The following ACBD5 variants were observed in gnomAD, a reference collection of about 807,000 sequenced individuals.
ACBD5 encodes acyl-CoA-binding domain-containing protein 5.
ACBD5 carries 40 observed loss-of-function variants against 71.8 expected under a neutral mutation model. The ratio of observed to expected loss-of-function variants is 0.56; its 90% CI spans 0.43 to 0.72. The LOEUF (loss-of-function observed/expected upper bound fraction) is 0.72, where lower values mean the gene tolerates loss of function less well. Ranked by LOEUF, ACBD5 falls within the 30% of genes least tolerant of loss-of-function variation. ACBD5 has a pLI of 0.00. For missense variants in ACBD5, 559 were observed against 644.5 expected (o/e 0.87, Z 1.44); for synonymous variants, 229 against 218.6 (o/e 1.05, Z -0.42).
At chr10:27,215,997 C>A (rs1454177113) in intron 7 of ACBD5, among the ~76,000 whole-genome samples, 3 of 151,698 alleles carry the variant, frequency 2.0e-5, no homozygotes, top group African/African-American at 7.3e-5. Context: ...GCCTCAGCCT[C>A]CCGAGTAGCT....
intron 13 of ACBD5, among the ~76,000 whole-genome samples, chr10:27,188,864 ACAC>A (rs999389186): frequency 2.0e-5 from 3 of 152,206 alleles, no homozygotes; most frequent in Admixed American, 6.5e-5. Flanking sequence ...TCTTTAAAAA[ACAC>A]CAACGGCCAC....
chr10:27,186,807 A>G (rs2058786309), intron 13 of ACBD5: 4 of 429,702 alleles, frequency 9.3e-6, no homozygotes, highest in Admixed American at 7.5e-5. Context: ...TGAAGCATCA[A>G]TAAAATTAGA....
At chr10:27,204,126 G>A (rs914640633) in intron 12 of ACBD5, among the ~76,000 whole-genome samples, 3 of 111,532 alleles carry the variant, frequency 2.7e-5, no homozygotes, top group Admixed American at 1.2e-4. Context: ...GCAACAAAAC[G>A]GGACCCAGTC....
At chr10:27,221,647 C>T (rs774483041) in intron 5 of ACBD5, among the ~76,000 whole-genome samples, 4 of 151,880 alleles carry the variant, frequency 2.6e-5, no homozygotes, top group Non-Finnish European at 5.9e-5. Context: ...GGTACAATTG[C>T]TCATGCCTTT....
chr10:27,189,248 C>T (rs1449035299), intron 13 of ACBD5, among the ~76,000 whole-genome samples: 1 of 152,220 alleles, frequency 6.6e-6, no homozygotes, highest in Non-Finnish European at 1.5e-5. Context: ...AGGCTGGTCT[C>T]AAACTCCGGA....
rs1022249290 is a variant in ACBD5, at chr10:27,196,046, T to A, written c.*1384A>T. On this transcript the variant is annotated 3_prime_UTR_variant, in exon 13 of 13. Transcript: ENST00000396271. Reference sequence around the variant, plus strand: ...GGAGAAACCCCGTCTCTACTAAAAATACAAAATTAGCCAGGCATGGTGGTG... The same window carrying A: ...GGAGAAACCCCGTCTCTACTAAAAAAACAAAATTAGCCAGGCATGGTGGTG... 2 of 413,258 alleles carry A rather than the reference T, an allele frequency of 4.8e-6. No homozygotes were observed. The highest frequency in any genetic ancestry group is 9.5e-6 in the Non-Finnish European group (2 of 211,076). 25.6% of individuals were successfully genotyped at this position (413,258 alleles called of 1,614,324 possible).
At chr10:27,237,621 C>CTT (rs60724833) in intron 2 of ACBD5, among the ~76,000 whole-genome samples, 2,326 of 133,614 alleles carry the variant, frequency 0.017, 170 homozygotes, top group South Asian at 0.16. Flanking sequence ...GATAGGATAT[C>CTT]TTTTTTTTTT....
At chr10:27,199,539 A>G (rs1284873121) in intron 12 of ACBD5, among the ~76,000 whole-genome samples, 1 of 152,184 alleles carries the variant, frequency 6.6e-6, no homozygotes, top group African/African-American at 2.4e-5. Context: ...GAACAGGAAT[A>G]AATTCTGCCT....
chr10:27,228,791 T>TTATATATATATATATATATATATATA (rs1169917244), intron 4 of ACBD5, among the ~76,000 whole-genome samples: 2 of 22,136 alleles, frequency 9.0e-5, no homozygotes, highest in Non-Finnish European at 3.3e-4. Flanking sequence ...CCTATTATGT[T>TTATATATATATATATATATATATATA]TATATATATA....
chr10:27,208,437 T>C lies in ACBD5; in HGVS notation c.1213A>G (p.Met405Val), dbSNP rs751272846. 1.2e-6 allele frequency: 2 copies of C among 1,613,764 alleles called. No individual in the cohort carries two copies. Among genetic ancestry groups the C allele is most frequent in the East Asian group, 2.2e-5 (1 of 44,890 alleles). ...TTGGTTCCTTCGCTCAAGTGTTGCA[T>C]CCTATGTCCTATTTTAAGAGGCAAA... ...SNVRRGRGHR[M>V]QHLSEGTKGR... The change falls in exon 10 of 13, where the codon ATG (methionine) becomes GTG (valine). Residue 405 changes from methionine to valine, a missense_variant. Coordinates refer to ENST00000396271, the MANE Select transcript of ACBD5 (RefSeq NM_145698.5).
At chr10:27,186,360 G>A in intron 13 of ACBD5, 1 of 1,611,688 alleles carries the variant, frequency 6.2e-7, no homozygotes, top group Non-Finnish European at 8.5e-7. Flanking sequence ...ATACTGTTTT[G>A]TTTTATATTT....
intron 4 of ACBD5, among the ~76,000 whole-genome samples, chr10:27,228,415 A>C (rs1052388649): frequency 1.3e-5 from 2 of 151,864 alleles, no homozygotes; most frequent in African/African-American, 4.8e-5. Context: ...GTCTCTACTA[A>C]AAATACAAAA....
At chr10:27,225,402 T>C (rs1422052788) in intron 4 of ACBD5, among the ~76,000 whole-genome samples, 1 of 152,202 alleles carries the variant, frequency 6.6e-6, no homozygotes, top group Admixed American at 6.6e-5. Flanking sequence ...ATCAACACCA[T>C]TCCCCACTGT....
chr10:27,208,796 C>A lies in ACBD5; in HGVS notation c.1205-351G>T, dbSNP rs376292790. Among the ~76,000 whole-genome samples, 809 of 152,166 alleles carry A rather than the reference C, an allele frequency of 5.3e-3. 1 individual carries two copies. Among genetic ancestry groups the A allele is most frequent in the Non-Finnish European group, 8.3e-3 (565 of 68,002 alleles). ...GTGGTTGCAGTGAGCCGAGATCATG[C>A]CACTGCACTCCAGCCTGGGCGACAG... On this transcript the variant is annotated intron_variant, in intron 9 of 12. Transcript: ENST00000396271.
In ACBD5 at chr10:27,240,561, T is replaced by C; in HGVS notation, c.16-77A>G. Reference sequence around the variant, plus strand: ...CGGGAGCGAAGCGGGTCAGTTCCCCTTTGCCCTGCCCTATCCAGGCCACAC... The same window carrying C: ...CGGGAGCGAAGCGGGTCAGTTCCCCCTTGCCCTGCCCTATCCAGGCCACAC... On this transcript the variant is annotated intron_variant, in intron 1 of 12. Coordinates refer to ENST00000396271, the MANE Select transcript of ACBD5 (RefSeq NM_145698.5). This position sits in a 1 kb window ranked among gnomAD's most constrained non-coding sequence, Gnocchi z 4.1. The C allele has an allele frequency of 6.4e-7, 1 of 1,550,412 alleles. No homozygotes were observed.
downstream of ACBD5, among the ~76,000 whole-genome samples, chr10:27,190,988 A>T (rs554053642): frequency 7.9e-5 from 12 of 152,318 alleles, no homozygotes; most frequent in Admixed American, 2.0e-4. Flanking sequence ...TGTCTGTGAG[A>T]CACCCAAATA....
At chr10:27,206,729 T>C (rs2060502156) in intron 10 of ACBD5, among the ~76,000 whole-genome samples, 1 of 151,890 alleles carries the variant, frequency 6.6e-6, no homozygotes. Flanking sequence ...CTGGCCAGGC[T>C]GGTATCGAAC....
intron 5 of ACBD5, 59 bp downstream of exon 5, chr10:27,223,279 T>C (rs769356863): frequency 4.8e-6 from 6 of 1,257,440 alleles, no homozygotes; most frequent in Admixed American, 1.7e-5. Flanking sequence ...GAGATACAAA[T>C]ATTAATATGT....
At chr10:27,229,069 G>A (rs1473451474) in intron 4 of ACBD5, among the ~76,000 whole-genome samples, 4 of 149,860 alleles carry the variant, frequency 2.7e-5, no homozygotes, top group Non-Finnish European at 5.9e-5. Flanking sequence ...TGATCCGCCC[G>A]CCTCGGCTTC....
Sources: gnomAD v4.1 joint callset for allele counts (sites outside exome capture counted in the v4.1 genomes callset) on GRCh38, gnomAD v4.1.1 for gene constraint, Gnocchi (gnomAD v3.1) non-coding constraint, MANE v1.5 for transcripts, NCBI Gene and HGNC (gene_info 2026-07-23, HGNC 2026-07-21) for gene names.